Variants in GALNT6 observed in about 807,000 individuals in gnomAD.
The protein encoded by GALNT6 is polypeptide N-acetylgalactosaminyltransferase 6, also known as GalNAc transferase 6.
Under a neutral mutation model 65.9 loss-of-function variants are expected in GALNT6, and 51 were observed. The ratio of observed to expected loss-of-function variants is 0.77; its 90% CI spans 0.62 to 0.98. The LOEUF (loss-of-function observed/expected upper bound fraction) is 0.98, where lower values mean the gene tolerates loss of function less well. Among genes scored for constraint, GALNT6 ranks in the 50% least tolerant of loss-of-function variants. The probability of loss-of-function intolerance (pLI) is 0.00; values close to 1 mark genes in which losing one functional copy is unlikely to be tolerated. For missense variants in GALNT6, 708 were observed against 803.3 expected, an observed-to-expected ratio of 0.88 and a Z score of 1.43; for synonymous variants, 323 against 315.1, an observed-to-expected ratio of 1.02 and a Z score of -0.26.
rs3741700 is a variant in GALNT6 at position 51,358,447 on chromosome 12, C to T, written c.1369-186G>A. 8.0e-3 allele frequency among the ~76,000 whole-genome samples: 1,222 copies of T among 152,140 alleles called. 47 individuals are homozygous for T. The East Asian group carries it at 0.13, about 16-fold the overall frequency. On this transcript the variant is annotated intron_variant, in intron 8 of 11. Coordinates refer to ENST00000356317, the MANE Select transcript of GALNT6 (RefSeq NM_007210.4). ...TCCTGAGTAGCTGGGACTACAGTCG[C>T]GCACCACCACGCCCAATTAATTTTT...
At chr12:51,355,436 T>C (rs1274558474) in intron 11 of GALNT6, among the ~76,000 whole-genome samples, 10 of 152,100 alleles carry the variant, frequency 6.6e-5, no homozygotes, top group Non-Finnish European at 4.4e-5. Context: ...ATGAAGAAAA[T>C]ATAGAGGGGC....
At position 51,365,576 on chromosome 12, in the gene GALNT6, T is replaced by A; in HGVS notation, c.668A>T (p.His223Leu). 1.2e-6 allele frequency: 2 copies of A among 1,613,638 alleles called. No homozygotes were observed. Among genetic ancestry groups the A allele is most frequent in the East Asian group, 4.5e-5 (2 of 44,876 alleles). Residue 223 changes from histidine to leucine, a missense_variant, in exon 5 of 12, where the codon CAC becomes CTC. Coordinates refer to ENST00000356317, the MANE Select transcript of GALNT6 (RefSeq NM_007210.4). Reference protein sequence around the residue: ...ILVDDASTEEHLKEKLEQYVK... With the variant: ...ILVDDASTEELLKEKLEQYVK... ...GTACTGCTCCAGCTTCTCCTTTAGG[T>A]GCTCTGGAAGGGACAGTGTCATTGT...
chr12:51,369,976 G>C (rs1473403466), intron 4 of GALNT6, among the ~76,000 whole-genome samples: 1 of 152,086 alleles, frequency 6.6e-6, no homozygotes, highest in East Asian at 1.9e-4. Flanking sequence ...GCTTCAAATT[G>C]TATTTAAAAA....
intron 4 of GALNT6, among the ~76,000 whole-genome samples, chr12:51,367,149 C>T (rs1469670357): frequency 2.6e-5 from 4 of 152,086 alleles, no homozygotes; most frequent in African/African-American, 4.8e-5. Context: ...CCCAGCTACT[C>T]GGGAGGCTGA....
rs746079409 is a variant in GALNT6 at position 51,377,326 on chromosome 12, G to A, written c.533C>T (p.Thr178Ile). 1.2e-6 allele frequency: 2 copies of A among 1,612,948 alleles called. No homozygotes were observed. Among genetic ancestry groups the A allele is most frequent in the South Asian group, 2.2e-5 (2 of 91,036 alleles). Residue 178 changes from threonine to isoleucine, a missense_variant, in exon 4 of 12, where the codon ACC (threonine) becomes ATC (isoleucine). Coordinates refer to ENST00000356317, the MANE Select transcript of GALNT6 (RefSeq NM_007210.4). ...GTGGAACACAATGATCACGCTGGTG[G>A]TGGCCAGTGGGGGGCAGCGCCGGAA... ...QKFRRCPPLA[T>I]TSVIIVFHNE...
chr12:51,375,121 C>G (rs1947409086), intron 4 of GALNT6, among the ~76,000 whole-genome samples: 1 of 152,128 alleles, frequency 6.6e-6, no homozygotes, highest in Admixed American at 6.5e-5. Context: ...AGTGATCCAC[C>G]CGCCTCGGCC....
intron 5 of GALNT6, 26 bp downstream of exon 5, chr12:51,365,404 A>G (rs747743648): frequency 6.3e-7 from 1 of 1,594,154 alleles, no homozygotes; most frequent in Non-Finnish European, 8.6e-7. Flanking sequence ...TCCAGGTTAC[A>G]CCCAGGCCGG....
intron 10 of GALNT6, among the ~76,000 whole-genome samples, chr12:51,356,750 AT>A (rs2137535727): frequency 6.7e-6 from 1 of 149,694 alleles, no homozygotes; most frequent in Admixed American, 6.7e-5. Flanking sequence ...TGCTTGTTCT[AT>A]TTTTGCTAAT....
intron 4 of GALNT6, among the ~76,000 whole-genome samples, chr12:51,371,897 CA>C (rs1337566441): frequency 6.6e-6 from 1 of 152,162 alleles, no homozygotes; most frequent in Admixed American, 6.5e-5. Context: ...TTAATCTGAT[CA>C]AACAGTCAAA....
At chr12:51,358,928 C>CT (rs1565712928) in intron 8 of GALNT6, among the ~76,000 whole-genome samples, 1 of 152,192 alleles carries the variant, frequency 6.6e-6, no homozygotes, top group East Asian at 1.9e-4. Flanking sequence ...TGCAGAGACT[C>CT]TATGCGTAGG....
chr12:51,359,419 C>G (rs376954516), intron 7 of GALNT6, 87 bp from the exon 8 acceptor site: 7 of 893,458 alleles, frequency 7.8e-6, no homozygotes, highest in East Asian at 2.5e-5. Flanking sequence ...TCCCAGAGCA[C>G]CAGACCCCAG....
At chr12:51,370,512 AACTCCATCTC>A (rs934215796) in intron 4 of GALNT6, among the ~76,000 whole-genome samples, 1 of 152,206 alleles carries the variant, frequency 6.6e-6, no homozygotes, top group Admixed American at 6.5e-5. Context: ...AACAAGAACG[AACTCCATCTC>A]AAAAAAAATA....
intron 4 of GALNT6, among the ~76,000 whole-genome samples, chr12:51,370,399 C>T (rs373445835): frequency 2.0e-5 from 3 of 152,222 alleles, no homozygotes; most frequent in African/African-American, 7.2e-5. Flanking sequence ...TCAGAATTAG[C>T]CAGCACGTGC....
At chr12:51,384,632 C>G (rs1289113082) in intron 2 of GALNT6, among the ~76,000 whole-genome samples, 1 of 133,886 alleles carries the variant, frequency 7.5e-6, no homozygotes, top group Non-Finnish European at 1.5e-5. Flanking sequence ...CTGGAGGTTG[C>G]AGTAAGCAGA....
intron 5 of GALNT6, 51 bp from the exon 6 acceptor site, chr12:51,364,406 C>G: frequency 1.5e-6 from 2 of 1,304,886 alleles, no homozygotes; most frequent in African/African-American, 2.9e-5. Context: ...CACAGCAGAG[C>G]CCAAGCTGCA....
At position 51,379,641 on chromosome 12, in the gene GALNT6, C is replaced by T. The variant is rs1345106770; in HGVS notation, c.141G>A (p.Val47=). The part of the protein sequence containing the change: ...ATEKPWLKSL[V]SRKDHVLDLM... ...GGTCCAGGACGTGATCCTTCCGGCT[C>T]ACCAGGGACTTCAGCCACGGCTTCT... Residue 47 remains valine, a synonymous_variant, in exon 3 of 12, where the codon GTG becomes GTA. Coordinates refer to ENST00000356317, the MANE Select transcript of GALNT6 (RefSeq NM_007210.4). The T allele has an allele frequency of 4.3e-6, 7 of 1,614,188 alleles. No homozygotes were observed. The South Asian group carries it at 6.6e-5, about 15-fold the overall frequency.
intron 4 of GALNT6, among the ~76,000 whole-genome samples, chr12:51,369,722 A>C (rs949789137): frequency 6.6e-6 from 1 of 152,178 alleles, no homozygotes; most frequent in East Asian, 1.9e-4. Context: ...AGTCTCCCTC[A>C]CGTCAGTACA....
chr12:51,364,039 ATGT>A, intron 6 of GALNT6, 79 bp downstream of exon 6: 2 of 908,734 alleles, frequency 2.2e-6, no homozygotes, highest in East Asian at 2.4e-5. Context: ...CACCTAACAA[ATGT>A]TGATGTGAGA....
chr12:51,379,305 G>A lies in GALNT6; in HGVS notation c.477C>T (p.Asp159=), dbSNP rs754031003. Residue 159 remains aspartate (D), a synonymous_variant, in exon 3 of 12, where the codon GAC becomes GAT. Coordinates refer to ENST00000356317, the MANE Select transcript of GALNT6 (RefSeq NM_007210.4). ...GTGCTACTTACTCAGGTGGTCGGGT[G>A]TCTGGCCCCAGGGACCTCTGCAGGG... ...RISLQRSLGP[D]TRPPECVDQK... 1.1e-5 allele frequency: 16 copies of A among 1,522,946 alleles called. No individual in the cohort carries two copies. In the South Asian group the frequency reaches 1.9e-4, roughly 18 times the overall value. 94.3% of individuals were successfully genotyped at this position (1,522,946 alleles called of 1,614,324 possible).
Sources: allele counts gnomAD v4.1 joint callset (sites outside exome capture counted in the v4.1 genomes callset), GRCh38; gene constraint gnomAD v4.1.1; transcripts MANE v1.5; gene names NCBI Gene and HGNC (gene_info 2026-07-23, HGNC 2026-07-21).